Variants in AGXT observed in about 807,000 individuals in gnomAD.
AGXT encodes alanine--glyoxylate aminotransferase, also known as L-alanine: glyoxylate aminotransferase 1.
Under a neutral mutation model 46.9 loss-of-function variants are expected in AGXT, and 41 were observed. That is an observed-to-expected ratio of 0.88 (90% CI 0.68 to 1.14). AGXT has a LOEUF of 1.14. Among genes scored for constraint, AGXT ranks in the 50% most tolerant of loss-of-function variants. The pLI is 0.00. For synonymous variants in AGXT, 244 were observed against 227.9 expected (o/e 1.07, Z -0.64); for missense variants, 525 against 522.7 (o/e 1.00, Z -0.04).
intron 6 of AGXT, 48 bp downstream of exon 6, chr2:240,874,110 G>T: frequency 6.3e-7 from 1 of 1,588,750 alleles, no homozygotes; most frequent in Non-Finnish European, 8.6e-7. Flanking sequence ...GGGCTTGCAG[G>T]GAGCTCAGGT....
At position 240,878,064 on chromosome 2, in the gene AGXT, G is replaced by A. The variant is rs776153602; in HGVS notation, c.985G>A (p.Gly329Ser). 6.2e-7 allele frequency: 1 copy of A among 1,613,226 alleles called. No individual in the cohort carries two copies. Among genetic ancestry groups the A allele is most frequent in the South Asian group, 1.1e-5 (1 of 91,084 alleles). ...PTVTTVAVPA[G>S]YDWRDIVSYV... ...AGTCACCACTGTGGCTGTACCCGCT[G>A]GCTATGACTGGAGAGACATCGTCAG... Residue 329 changes from glycine (G) to serine (S), a missense_variant, in exon 10 of 11, where the codon GGC becomes AGC. Transcript: ENST00000307503.
intron 4 of AGXT, 64 bp downstream of exon 4, chr2:240,871,513 G>T: frequency 6.9e-7 from 1 of 1,442,740 alleles, no homozygotes. Context: ...GGGAGGGGTG[G>T]GCACTGGTCC....
chr2:240,875,529 A>C (rs2106430622), intron 7 of AGXT, among the ~76,000 whole-genome samples: 1 of 152,180 alleles, frequency 6.6e-6, no homozygotes, highest in African/African-American at 2.4e-5. Flanking sequence ...GCCTCAGCTT[A>C]CCCCTTCTGA....
In AGXT at chr2:240,868,947, C is replaced by G; in HGVS notation, c.82C>G (p.Pro28Ala). Residue 28 changes from proline (P) to alanine (A), a missense_variant, in exon 1 of 11, where the codon CCT (proline) becomes GCT (alanine). Transcript: ENST00000307503. ...LSIPNQLLLG[P>A]GPSNLPPRIM... is the part of the protein sequence containing the mutation. ...CATCCCCAACCAGCTCCTGCTGGGG[C>G]CTGGTCCTTCCAACCTGCCTCCTCG... 6.2e-7 allele frequency: 1 copy of G among 1,613,060 alleles called. No homozygotes were observed. The highest frequency in any genetic ancestry group is 1.7e-5 in the Admixed American group (1 of 60,002).
At chr2:240,872,043 A>T (rs2058993538) in intron 4 of AGXT, among the ~76,000 whole-genome samples, 2 of 152,052 alleles carry the variant, frequency 1.3e-5, no homozygotes, top group African/African-American at 4.8e-5. Flanking sequence ...CACAAACATA[A>T]CCTGGCCAGC....
chr2:240,877,151 C>T (rs1198381410), intron 8 of AGXT: 2 of 417,364 alleles, frequency 4.8e-6, no homozygotes, highest in South Asian at 1.8e-5. Context: ...GTCGGGGGAG[C>T]TGGCCCTGAG....
intron 2 of AGXT, 64 bp from the exon 3 acceptor site, chr2:240,870,580 G>A (rs2058985780): frequency 5.2e-6 from 8 of 1,537,204 alleles, no homozygotes; most frequent in Non-Finnish European, 7.0e-6. Context: ...AGGGCCACGG[G>A]TGCCCAACAC....
intron 7 of AGXT, 23 bp from the exon 8 acceptor site, chr2:240,875,912 C>A (rs1470711654): frequency 1.2e-5 from 20 of 1,613,938 alleles, no homozygotes; most frequent in Non-Finnish European, 1.7e-5. Context: ...TGGTGCTGGA[C>A]CAAGCCCCCT....
In AGXT at chr2:240,870,654, G is replaced by A. The variant is rs1355452445; in HGVS notation, c.369G>A (p.Val123=). The A allele has an allele frequency of 1.3e-6, 2 of 1,553,348 alleles. No homozygotes were observed. Among genetic ancestry groups the A allele is most frequent in the East Asian group, 2.4e-5 (1 of 41,294 alleles). The change falls in exon 3 of 11, where the codon GTG becomes GTA. Residue 123 remains valine, a synonymous_variant. Transcript: ENST00000307503. ...CTGTCCTGCACCCAGGAGCCCGAGTGCACCCGATGACCAAGGACCCTGGAG... is the reference window on the plus strand; with the variant it reads ...CTGTCCTGCACCCAGGAGCCCGAGTACACCCGATGACCAAGGACCCTGGAG... The part of the protein sequence containing the change: ...VDIGERIGAR[V]HPMTKDPGGH...
intron 8 of AGXT, chr2:240,877,044 G>A (rs543553618): frequency 1.8e-4 from 43 of 243,892 alleles, no homozygotes; most frequent in African/African-American, 9.5e-4. Flanking sequence ...GGGAGGACCC[G>A]TGACCAGAGG....
chr2:240,878,665 G>A, intron 10 of AGXT, 49 bp from the exon 11 acceptor site: 1 of 1,518,736 alleles, frequency 6.6e-7, no homozygotes, highest in East Asian at 2.5e-5. Flanking sequence ...GTCAGGGTCA[G>A]GCAGGTCCCA....
Position 240,877,521 on chromosome 2 carries a change from G to A in AGXT, c.847-16G>A, listed in dbSNP as rs892174087. On this transcript the variant is annotated splice_polypyrimidine_tract_variant and intron_variant, in intron 8 of 10. Transcript: ENST00000307503. The stretch of plus-strand genomic sequence containing the variant: ...CCCACCCATGTCACTGCCCACCAGC[G>A]CCATCTCCCACACAGGGCCTGGAGA... 41 of 1,540,914 alleles carry A rather than the reference G, an allele frequency of 2.7e-5. No homozygotes were observed. The highest frequency in any genetic ancestry group is 7.2e-5 in the South Asian group (6 of 82,978).
At chr2:240,878,619 C>G in intron 10 of AGXT, 95 bp from the exon 11 acceptor site, 1 of 1,221,026 alleles carries the variant, frequency 8.2e-7, no homozygotes, top group Non-Finnish European at 1.2e-6. Context: ...GTGGTCCTCA[C>G]TCAGGTGAGC....
intron 5 of AGXT, 116 bp from the exon 6 acceptor site, chr2:240,873,862 G>A (rs1238972037): frequency 8.6e-6 from 8 of 932,378 alleles, no homozygotes; most frequent in Non-Finnish European, 1.4e-5. Flanking sequence ...CTGCTATCGT[G>A]TACGGATTCG....
At chr2:240,870,536 G>T (rs2058985473) in intron 2 of AGXT, 108 bp from the exon 3 acceptor site, 1 of 1,320,522 alleles carries the variant, frequency 7.6e-7, no homozygotes, top group Non-Finnish European at 1.1e-6. Flanking sequence ...TGCCACGGTG[G>T]GTGGGGTCCA....
intron 7 of AGXT, among the ~76,000 whole-genome samples, chr2:240,875,545 C>T (rs1198485970): frequency 3.9e-5 from 6 of 152,254 alleles, no homozygotes; most frequent in Non-Finnish European, 8.8e-5. Context: ...TCTGAAAAGA[C>T]GACCTTGGCC....
chr2:240,870,293 A>T (rs1451469639), intron 2 of AGXT, among the ~76,000 whole-genome samples: 1 of 151,552 alleles, frequency 6.6e-6, no homozygotes, highest in Non-Finnish European at 1.5e-5. Flanking sequence ...GACCAGGTAC[A>T]CTCTTTGTGC....
chr2:240,870,638 AC>A lies in AGXT; in HGVS notation c.359-3del. 1 of 1,551,248 alleles carries A rather than the reference AC, an allele frequency of 6.4e-7. No individual in the cohort carries two copies. The highest frequency in any genetic ancestry group is 8.7e-7 in the Non-Finnish European group (1 of 1,147,358). ...ACACTCACGGCCCACTCTGTCCTGC[AC>A]CCAGGAGCCCGAGTGCACCCGATGA... On this transcript the variant is annotated splice_polypyrimidine_tract_variant and splice_region_variant and intron_variant, in intron 2 of 10. Coordinates refer to ENST00000307503, the MANE Select transcript of AGXT (RefSeq NM_000030.3).
intron 8 of AGXT, 111 bp downstream of exon 8, chr2:240,876,115 A>G (rs2059023577): frequency 7.6e-7 from 1 of 1,312,738 alleles, no homozygotes; most frequent in Non-Finnish European, 1.1e-6. Flanking sequence ...GGAGCCTGCC[A>G]GAGAGAGGCC....
Sources: allele counts gnomAD v4.1 joint callset (sites outside exome capture counted in the v4.1 genomes callset), GRCh38; gene constraint gnomAD v4.1.1; transcripts MANE v1.5; gene names NCBI Gene and HGNC (gene_info 2026-07-23, HGNC 2026-07-21).